TRPV4: variants seen among roughly 807,000 people sequenced by gnomAD.
TRPV4 encodes the protein OSM9-like transient receptor potential channel 4.
In TRPV4, 58 loss-of-function variants were observed where a neutral mutation model predicts 84.1. That is an observed-to-expected ratio of 0.69 (90% CI 0.56 to 0.86). TRPV4 has a LOEUF of 0.86. Ranked by LOEUF, TRPV4 falls within the 40% of genes least tolerant of loss-of-function variation. TRPV4 has a pLI of 0.00. For missense variants in TRPV4, 879 were observed against 1,181.1 expected (o/e 0.74, Z 3.75); for synonymous variants, 489 against 500.9 (o/e 0.98, Z 0.32).
intron 3 of TRPV4, among the ~76,000 whole-genome samples, chr12:109,804,309 C>G (rs1890989167): frequency 6.6e-6 from 1 of 152,126 alleles, no homozygotes; most frequent in African/African-American, 2.4e-5. Flanking sequence ...AGGGCAAAAT[C>G]AGCCAGGGGC....
intron 7 of TRPV4, among the ~76,000 whole-genome samples, chr12:109,795,461 G>C (rs1384509891): frequency 1.3e-5 from 2 of 152,200 alleles, no homozygotes; most frequent in South Asian, 2.1e-4. Context: ...CCTGCACCCA[G>C]TCCCCAGCAT....
intron 1 of TRPV4, among the ~76,000 whole-genome samples, chr12:109,818,992 C>A (rs1158690305): frequency 6.6e-6 from 1 of 152,178 alleles, no homozygotes; most frequent in East Asian, 1.9e-4. Context: ...AAGAAAACCT[C>A]TAGACTCCTA....
Position 109,784,450 on chromosome 12 carries a change from A to T in TRPV4, c.2337-13T>A, listed in dbSNP as rs372338084. 2 of 1,613,984 alleles carry T rather than the reference A, an allele frequency of 1.2e-6. No individual in the cohort carries two copies. The highest frequency in any genetic ancestry group is 1.7e-6 in the Non-Finnish European group (2 of 1,179,996). On this transcript the variant is annotated splice_polypyrimidine_tract_variant and intron_variant, in intron 14 of 15. Coordinates refer to ENST00000261740, the MANE Select transcript of TRPV4 (RefSeq NM_021625.5). ...CACCTCATCCACCCTGGCAGGGCCC[A>T]AGCAGAGGGTCATGGGGAACCCCTC...
At chr12:109,784,258 A>G (rs1278016561) in intron 15 of TRPV4, 58 bp downstream of exon 15, 1 of 1,613,122 alleles carries the variant, frequency 6.2e-7, no homozygotes, top group African/African-American at 1.3e-5. Flanking sequence ...GACTGCTCAA[A>G]GCAAATTCGT....
chr12:109,830,495 G>C (rs1892381230), intron 1 of TRPV4, among the ~76,000 whole-genome samples: 1 of 152,208 alleles, frequency 6.6e-6, no homozygotes. Flanking sequence ...GTTCATAACA[G>C]CAGCCACTTA....
chr12:109,784,876 T>TGTGTGTGCGC (rs1889591838), intron 14 of TRPV4, among the ~76,000 whole-genome samples: 1 of 148,094 alleles, frequency 6.8e-6, no homozygotes, highest in African/African-American at 2.5e-5. Flanking sequence ...TGTGTGTGTG[T>TGTGTGTGCGC]GTGTGTGTGT....
chr12:109,806,660 GC>G (rs1247765211), intron 3 of TRPV4, among the ~76,000 whole-genome samples: 4 of 147,002 alleles, frequency 2.7e-5, no homozygotes, highest in Non-Finnish European at 4.5e-5. Flanking sequence ...TTTGATACCA[GC>G]CTGGGCAACA....
intron 5 of TRPV4, among the ~76,000 whole-genome samples, chr12:109,799,954 A>T (rs967143026): frequency 2.3e-5 from 2 of 88,758 alleles, no homozygotes; most frequent in Non-Finnish European, 4.5e-5. Flanking sequence ...TTATTTATTT[A>T]TTTTTTGAGA....
chr12:109,807,280 A>C (rs1465315123), intron 3 of TRPV4, among the ~76,000 whole-genome samples: 4 of 151,200 alleles, frequency 2.6e-5, no homozygotes, highest in Non-Finnish European at 5.9e-5. Flanking sequence ...CTGTCTCAAA[A>C]AAAAAAAAAA....
intron 1 of TRPV4, among the ~76,000 whole-genome samples, chr12:109,818,672 G>A (rs1891966360): frequency 6.6e-6 from 1 of 152,126 alleles, no homozygotes; most frequent in Non-Finnish European, 1.5e-5. Flanking sequence ...TGGGAGATAA[G>A]GCAGGTCAAG....
chr12:109,792,544 C>T, intron 11 of TRPV4, 108 bp downstream of exon 11: 10 of 1,576,428 alleles, frequency 6.3e-6, no homozygotes, highest in Non-Finnish European at 8.7e-6. Context: ...GCCTCCTGCC[C>T]CCACGGTACC....
rs925972981 is a variant in TRPV4 at position 109,814,792 on chromosome 12, G to A, written c.5C>T (p.Ala2Val). ...CGCGCGGGGGCCTTCGCTGGAATCC[G>A]CCATGCCTGCCCCAGGCCCGTCTGC... M[A>V]DSSEGPRAGP... is the part of the protein sequence containing the mutation. Residue 2 changes from alanine (A) to valine (V), a missense_variant, in exon 2 of 16, where the codon GCG becomes GTG. Transcript: ENST00000261740. This position sits in a 1 kb window ranked among gnomAD's most constrained non-coding sequence, Gnocchi z 5.4. 8.4e-6 allele frequency: 13 copies of A among 1,540,678 alleles called. No homozygotes were observed. The highest frequency in any genetic ancestry group is 4.8e-5 in the South Asian group (4 of 84,146).
chr12:109,787,190 T>G (rs1889744993), intron 13 of TRPV4, among the ~76,000 whole-genome samples: 1 of 152,182 alleles, frequency 6.6e-6, no homozygotes, highest in South Asian at 2.1e-4. Flanking sequence ...CAGGCAGGAA[T>G]CCGGACCCTG....
intron 2 of TRPV4, among the ~76,000 whole-genome samples, chr12:109,810,997 C>G (rs772140074): frequency 1.3e-5 from 2 of 152,182 alleles, no homozygotes; most frequent in Non-Finnish European, 2.9e-5. Flanking sequence ...GCACAGACAA[C>G]TGTGAGGCCC....
rs149988106 is a variant in TRPV4, at chr12:109,783,765, C to T, written c.2472G>A (p.Ser824=). 1,556 of 1,611,804 alleles carry T rather than the reference C, an allele frequency of 9.7e-4. 4 individuals are homozygous for T. Among genetic ancestry groups the T allele is most frequent in the African/African-American group, 1.2e-3 (92 of 74,660 alleles). ...TCAGTTCCACCACGCGGGGTACCAC[C>T]GAGGACCAGCGATCTGCACCGAGAG... ...VGRLRRDRWS[S]VVPRVVELNK... is the part of the protein sequence containing the mutation. The change falls in exon 16 of 16, where the codon TCG becomes TCA. Residue 824 remains serine, a synonymous_variant. Coordinates refer to ENST00000261740, the MANE Select transcript of TRPV4 (RefSeq NM_021625.5). This position sits in a 1 kb window ranked among gnomAD's most constrained non-coding sequence, Gnocchi z 4.6.
At chr12:109,794,258 G>T in intron 8 of TRPV4, 71 bp downstream of exon 8, 1 of 1,582,706 alleles carries the variant, frequency 6.3e-7, no homozygotes, top group Non-Finnish European at 8.6e-7. Context: ...AGAAGGATGA[G>T]GTTGTGCCCC....
At chr12:109,802,868 A>G in intron 4 of TRPV4, 123 bp downstream of exon 4, 3 of 977,870 alleles carry the variant, frequency 3.1e-6, no homozygotes, top group Non-Finnish European at 4.8e-6. Context: ...CCATCCATCC[A>G]TTTGTCAGGT....
At chr12:109,797,641 C>A (rs1015085333) in intron 6 of TRPV4, among the ~76,000 whole-genome samples, 4 of 152,186 alleles carry the variant, frequency 2.6e-5, no homozygotes, top group African/African-American at 9.7e-5. Flanking sequence ...TAAACTGGAG[C>A]CTTTCTACTG....
chr12:109,792,075 A>C (rs1890073844), intron 12 of TRPV4, among the ~76,000 whole-genome samples: 1 of 138,038 alleles, frequency 7.2e-6, no homozygotes, highest in African/African-American at 2.8e-5. Flanking sequence ...TACTAAAAAT[A>C]CAAAAAAAAA....
Sources: allele counts gnomAD v4.1 joint callset (sites outside exome capture counted in the v4.1 genomes callset), GRCh38; gene constraint gnomAD v4.1.1; non-coding constraint Gnocchi (gnomAD v3.1); transcripts MANE v1.5; gene names NCBI Gene and HGNC (gene_info 2026-07-23, HGNC 2026-07-21).